Variants in CFAP47 observed in about 807,000 individuals in gnomAD.
The protein encoded by CFAP47 is cilia and flagella associated protein 47.
A neutral mutation model predicts 148.1 loss-of-function variants in CFAP47; 29 were observed. That is an observed-to-expected ratio of 0.20 (90% CI 0.15 to 0.27). CFAP47 has a LOEUF of 0.27. Among genes scored for constraint, CFAP47 ranks in the 10% least tolerant of loss-of-function variants. The pLI, the probability that CFAP47 is intolerant of heterozygous loss-of-function variation, is 1.00. For missense variants in CFAP47, 1,872 were observed against 1,697.5 expected (o/e 1.10, Z -1.81); for synonymous variants, 664 against 577.3 (o/e 1.15, Z -2.15).
intron 29 of CFAP47, among the ~76,000 whole-genome samples, chrX:36,083,520 T>A (rs1938023916): frequency 8.9e-6 from 1 of 111,803 alleles, no homozygotes; most frequent in Admixed American, 9.6e-5. Flanking sequence ...GAAACTTGAC[T>A]TTAGATTCAA....
intron 51 of CFAP47, among the ~76,000 whole-genome samples, chrX:36,297,404 C>T (rs1410191450): frequency 8.9e-6 from 1 of 112,289 alleles, no homozygotes; most frequent in African/African-American, 3.2e-5. Flanking sequence ...TTCTAAAGTA[C>T]GTTTATTACC....
Position 36,364,260 on chromosome X carries a change from C to T in CFAP47, c.9024-2706C>T, listed in dbSNP as rs781976011. Among the ~76,000 whole-genome samples, 8 of 110,639 alleles carry T rather than the reference C, an allele frequency of 7.2e-5. No homozygotes were observed. In the East Asian group the frequency reaches 2.3e-3, roughly 31 times the overall value. Reference sequence around the variant, plus strand: ...CAACTTCTCATTAACTCAAAGAAGTCGCTCACAGAATAGAATTATTCAGCA... The same window carrying T: ...CAACTTCTCATTAACTCAAAGAAGTTGCTCACAGAATAGAATTATTCAGCA... On this transcript the variant is annotated intron_variant, in intron 61 of 63. Coordinates refer to ENST00000378653, the MANE Select transcript of CFAP47 (RefSeq NM_001304548.2).
At chrX:36,359,989 G>T (rs910488158) in intron 60 of CFAP47, among the ~76,000 whole-genome samples, 1 of 111,023 alleles carries the variant, frequency 9.0e-6, no homozygotes, top group East Asian at 2.8e-4. Context: ...TCCTGACCTT[G>T]TGATCCACCC....
At chrX:36,348,392 G>A in intron 58 of CFAP47, 104 bp downstream of exon 58, 1 of 365,261 alleles carries the variant, frequency 2.7e-6, no homozygotes, top group Non-Finnish European at 4.4e-6. Flanking sequence ...TCAAGCTCAT[G>A]ATTTTATATT....
chrX:36,289,349 A>G (rs1941170099), intron 51 of CFAP47, among the ~76,000 whole-genome samples: 1 of 111,389 alleles, frequency 9.0e-6, no homozygotes, highest in Non-Finnish European at 1.9e-5. Context: ...GAAAGATCAT[A>G]TATCATAAGT....
chrX:36,376,771 C>CTT (rs1942027506), intron 62 of CFAP47, among the ~76,000 whole-genome samples: 1 of 82,995 alleles, frequency 1.2e-5, no homozygotes, highest in South Asian at 9.5e-4. Context: ...CTATCCCTCC[C>CTT]CCCTCCCCCC....
intron 48 of CFAP47, among the ~76,000 whole-genome samples, chrX:36,247,548 G>A (rs1460277756): frequency 2.7e-5 from 3 of 111,399 alleles, no homozygotes; most frequent in African/African-American, 9.8e-5. Flanking sequence ...AAGGATAGGT[G>A]CATACTGGAA....
intron 57 of CFAP47, among the ~76,000 whole-genome samples, chrX:36,342,939 T>A (rs1215975367): frequency 9.0e-6 from 1 of 111,200 alleles, no homozygotes; most frequent in Non-Finnish European, 1.9e-5. Context: ...ATTAGATATT[T>A]GTCCTAATGA....
chrX:36,357,587 A>T (rs1556018613), intron 60 of CFAP47, among the ~76,000 whole-genome samples: 1 of 112,391 alleles, frequency 8.9e-6, no homozygotes, highest in Non-Finnish European at 1.9e-5. Context: ...TTTATTCAAC[A>T]TGATAAATCT....
intron 30 of CFAP47, 126 bp downstream of exon 30, chrX:36,085,664 CACAT>C (rs1938072918): frequency 7.0e-5 from 23 of 327,104 alleles, no homozygotes; most frequent in Non-Finnish European, 9.0e-5. Flanking sequence ...CACACACACA[CACAT>C]AAATATACAC....
chrX:35,975,615 T>C (rs1278549743), intron 14 of CFAP47, 57 bp from the exon 15 acceptor site: 123 of 1,153,766 alleles, frequency 1.1e-4, no homozygotes, highest in Admixed American at 4.3e-4. Context: ...GTAGCTGAAT[T>C]CTATAATCAC....
At position 36,364,901 on chromosome X, in the gene CFAP47, CATATATATATATATATAT is replaced by C. The variant is rs60748143; in HGVS notation, c.9024-2039_9024-2022del. The stretch of plus-strand genomic sequence containing the variant: ...TGTAACTTAACAGTTATATTTTGTG[CATATATATATATATATAT>C]ATATATATATATATATATATATATA... On this transcript the variant is annotated intron_variant, in intron 61 of 63. Coordinates refer to ENST00000378653, the MANE Select transcript of CFAP47 (RefSeq NM_001304548.2). Among the ~76,000 whole-genome samples the C allele has an allele frequency of 3.9e-3, 264 of 67,344 alleles. 2 individuals are homozygous for C. The highest frequency in any genetic ancestry group is 8.8e-3 in the African/African-American group (200 of 22,631). The allele number at this position is 67,344 out of a possible 115,157, so 58.5% of individuals were successfully genotyped here.
chrX:36,331,016 G>T (rs151257092), intron 57 of CFAP47, among the ~76,000 whole-genome samples: 1 of 110,908 alleles, frequency 9.0e-6, no homozygotes, highest in African/African-American at 3.3e-5. Context: ...CTTCTCTTAC[G>T]AATCAAAATT....
intron 21 of CFAP47, among the ~76,000 whole-genome samples, chrX:36,011,590 A>G (rs1172361959): frequency 8.9e-6 from 1 of 112,045 alleles, no homozygotes; most frequent in Non-Finnish European, 1.9e-5. Flanking sequence ...GCCTTGAGTG[A>G]GTTCAAAGAT....
rs746688244 is a variant in CFAP47, at chrX:35,967,679, G to A, written c.1661G>A (p.Arg554His). 5.0e-6 allele frequency: 6 copies of A among 1,207,390 alleles called. No individual in the cohort carries two copies. The highest frequency in any genetic ancestry group is 5.6e-6 in the Non-Finnish European group (5 of 894,099). ...TTTGTGGTCAAAGACTTGGCAAAAC[G>A]CAAGAATTATGCACCTGTAGCAATG... ...GKFVVKDLAK[R>H]KNYAPVAMLQ... The change falls in exon 10 of 64, where the codon CGC (arginine) becomes CAC (histidine). Residue 554 changes from arginine (R) to histidine (H), a missense_variant. Coordinates refer to ENST00000378653, the MANE Select transcript of CFAP47 (RefSeq NM_001304548.2).
chrX:35,924,923 C>T (rs938477271), intron 1 of CFAP47, among the ~76,000 whole-genome samples: 3 of 111,085 alleles, frequency 2.7e-5, no homozygotes, highest in Non-Finnish European at 1.9e-5. Context: ...AATTCAGACT[C>T]GTAGAAGTAG....
At chrX:36,247,526 C>T (rs1325353158) in intron 48 of CFAP47, among the ~76,000 whole-genome samples, 4 of 111,354 alleles carry the variant, frequency 3.6e-5, no homozygotes, top group East Asian at 2.8e-4. Context: ...TAGTAACATA[C>T]AGGAAGACTA....
intron 48 of CFAP47, among the ~76,000 whole-genome samples, chrX:36,243,142 A>C (rs1160854957): frequency 2.7e-5 from 3 of 111,427 alleles, no homozygotes; most frequent in Non-Finnish European, 5.7e-5. Flanking sequence ...TGCTGAGGGA[A>C]TTTGTTACTA....
intron 42 of CFAP47, among the ~76,000 whole-genome samples, chrX:36,197,367 T>C (rs1408957243): frequency 8.9e-6 from 1 of 112,411 alleles, no homozygotes; most frequent in Non-Finnish European, 1.9e-5. Flanking sequence ...GTTCAGGTTT[T>C]ATTTGGGCAC....
Sources: gnomAD v4.1 joint callset for allele counts (sites outside exome capture counted in the v4.1 genomes callset) on GRCh38, gnomAD v4.1.1 for gene constraint, MANE v1.5 for transcripts, NCBI Gene and HGNC (gene_info 2026-07-23, HGNC 2026-07-21) for gene names.